The following DYRK1A variants were observed in gnomAD, a reference collection of about 807,000 sequenced individuals.
DYRK1A encodes the protein dual specificity tyrosine-phosphorylation-regulated kinase 1A.
A neutral mutation model predicts 79.7 loss-of-function variants in DYRK1A; 9 were observed. That is an observed-to-expected ratio of 0.11 (90% confidence interval 0.07 to 0.20). The LOEUF (loss-of-function observed/expected upper bound fraction) is 0.20, where lower values mean the gene tolerates loss of function less well. Ranked by LOEUF, DYRK1A falls within the 10% of genes least tolerant of loss-of-function variation. The pLI is 1.00. For synonymous variants in DYRK1A, 349 were observed against 329.7 expected (o/e 1.06, Z -0.63); for missense variants, 622 against 956.0 (o/e 0.65, Z 4.61).
At chr21:37,444,500 A>G (rs2148485726) in intron 2 of DYRK1A, among the ~76,000 whole-genome samples, 1 of 152,270 alleles carries the variant, frequency 6.6e-6, no homozygotes, top group East Asian at 1.9e-4. Flanking sequence ...ACCTGTGACA[A>G]TTTCAGAATT....
At position 37,367,145 on chromosome 21, in the gene DYRK1A, C is replaced by CT. The variant is rs758713166; in HGVS notation, c.-559dup. ...CGAGTGTGCGGGTGTGTGCGAGTGT[C>CT]TGTCTGTCTGTGCGGGGACTCGGGG... On this transcript the variant is annotated 5_prime_UTR_variant, in exon 1 of 12. Coordinates refer to ENST00000647188, the MANE Select transcript of DYRK1A (RefSeq NM_001347721.2). The CT allele has an allele frequency of 1.3e-5, 2 of 151,726 alleles. No homozygotes were observed. Among genetic ancestry groups the CT allele is most frequent in the Admixed American group, 1.3e-4 (2 of 15,236 alleles). The allele number at this position is 151,726 out of a possible 1,614,324, so 9.4% of individuals were successfully genotyped here. A position where few individuals can be genotyped will look rare whatever the true frequency, so the allele number is the denominator to read the frequency against.
intron 2 of DYRK1A, among the ~76,000 whole-genome samples, chr21:37,459,855 G>GT (rs1050692155): frequency 2.0e-5 from 3 of 151,950 alleles, no homozygotes; most frequent in African/African-American, 4.8e-5. Flanking sequence ...AATAAGTTTC[G>GT]TTTTTTTCCC....
At chr21:37,427,626 G>A in intron 2 of DYRK1A, among the ~76,000 whole-genome samples, 1 of 152,062 alleles carries the variant, frequency 6.6e-6, no homozygotes, top group East Asian at 1.9e-4. Flanking sequence ...TATTGCCTTA[G>A]GTTCAATTCC....
At chr21:37,368,297 G>A (rs1162813454) in intron 1 of DYRK1A, among the ~76,000 whole-genome samples, 1 of 152,210 alleles carries the variant, frequency 6.6e-6, no homozygotes, top group East Asian at 1.9e-4. Flanking sequence ...AGGTGAATTA[G>A]AATAGATACC....
upstream of DYRK1A, among the ~76,000 whole-genome samples, chr21:37,366,634 G>T (rs1249313372): frequency 6.6e-6 from 1 of 151,942 alleles, no homozygotes; most frequent in South Asian, 2.1e-4. Context: ...TGGGGACAGA[G>T]GGGGAGACGG....
At chr21:37,419,245 A>G (rs1045880768) in intron 1 of DYRK1A, 2 of 152,166 alleles carry the variant, frequency 1.3e-5, no homozygotes, top group African/African-American at 4.8e-5. Flanking sequence ...GGAGCTTTGT[A>G]TAGTAATTTA....
At chr21:37,479,997 C>A (rs1274457091) in intron 4 of DYRK1A, among the ~76,000 whole-genome samples, 1 of 152,050 alleles carries the variant, frequency 6.6e-6, no homozygotes, top group Non-Finnish European at 1.5e-5. Context: ...GGAGTGGGGG[C>A]TAAGAGGCCA....
chr21:37,378,309 G>A, intron 1 of DYRK1A, among the ~76,000 whole-genome samples: 1 of 152,228 alleles, frequency 6.6e-6, no homozygotes, highest in East Asian at 1.9e-4. Context: ...GAGGTGGGCT[G>A]ATCACCTGAG....
intron 2 of DYRK1A, among the ~76,000 whole-genome samples, chr21:37,435,931 G>A (rs915846597): frequency 6.6e-6 from 1 of 152,056 alleles, no homozygotes; most frequent in Non-Finnish European, 1.5e-5. Flanking sequence ...ACTGTTGCTT[G>A]TACCGTTATG....
Position 37,493,142 on chromosome 21 carries a change from T to G in DYRK1A, c.1050T>G (p.Pro350=). The G allele has an allele frequency of 1.3e-6, 2 of 1,559,954 alleles. No homozygotes were observed. The highest frequency in any genetic ancestry group is 1.7e-6 in the Non-Finnish European group (2 of 1,145,228). Reference sequence around the variant, plus strand: ...TGGTTGAAATGCACACTGGAGAACCTCTGTTCAGTGGTGCCAATGAGGTAA... The same window carrying G: ...TGGTTGAAATGCACACTGGAGAACCGCTGTTCAGTGGTGCCAATGAGGTAA... The part of the protein sequence containing the change: ...CILVEMHTGE[P]LFSGANEVDQ... Residue 350 remains proline, a synonymous_variant, in exon 8 of 12, where the codon CCT becomes CCG. Transcript: ENST00000647188.
rs1198563071 is a variant in DYRK1A, at chr21:37,513,085, A to G, written c.*554A>G. The G allele has an allele frequency of 6.4e-6, 1 of 155,354 alleles. No homozygotes were observed. The highest frequency in any genetic ancestry group is 6.3e-5 in the Admixed American group (1 of 15,792). The allele number at this position is 155,354 out of a possible 1,614,324, so 9.6% of individuals were successfully genotyped here. Reference sequence around the variant, plus strand: ...GGAAGAGGGACCTCCAGCTTCCACAAACACCATCTTCAGCTGTATGAAAGG... The same window carrying G: ...GGAAGAGGGACCTCCAGCTTCCACAGACACCATCTTCAGCTGTATGAAAGG... On this transcript the variant is annotated 3_prime_UTR_variant, in exon 12 of 12. Transcript: ENST00000647188.
intron 5 of DYRK1A, among the ~76,000 whole-genome samples, chr21:37,482,227 T>TTTTTTCCTTATA (rs1569365529): frequency 1.2e-4 from 19 of 152,082 alleles, no homozygotes; most frequent in African/African-American, 4.1e-4. Context: ...TGTTCTGTAT[T>TTTTTTCCTTATA]ATCGGGGGAA....
At chr21:37,487,304 T>A (rs1051209445) in intron 6 of DYRK1A, 2 of 152,140 alleles carry the variant, frequency 1.3e-5, no homozygotes, top group African/African-American at 4.8e-5. Context: ...CCAAAGTCTG[T>A]TTCATTCTCA....
intron 1 of DYRK1A, among the ~76,000 whole-genome samples, chr21:37,412,659 C>T (rs1397966059): frequency 6.6e-6 from 1 of 152,134 alleles, no homozygotes; most frequent in African/African-American, 2.4e-5. Context: ...AATGGAAAGG[C>T]ATGAGGCACT....
chr21:37,459,298 T>C (rs1178021359), intron 2 of DYRK1A, among the ~76,000 whole-genome samples: 2 of 152,232 alleles, frequency 1.3e-5, no homozygotes, highest in Admixed American at 1.3e-4. Context: ...TTTGTAAAAC[T>C]TGTGAAATCT....
Position 37,526,241 on chromosome 21 carries a change from A to T in DYRK1A, c.*13710A>T, listed in dbSNP as rs2053967025. On this transcript the variant is annotated 3_prime_UTR_variant, in exon 12 of 12. Transcript: ENST00000647188. ...TATATTTCAGAATCCATTGATCTGC[A>T]TTTGAGAAGTGATTAATGTGTTGAA... is the stretch of plus-strand genomic sequence containing the variant. 6.6e-6 allele frequency: 1 copy of T among 152,232 alleles called. No homozygotes were observed. The highest frequency in any genetic ancestry group is 1.5e-5 in the Non-Finnish European group (1 of 68,040). 9.4% of individuals were successfully genotyped at this position (152,232 alleles called of 1,614,324 possible).
Position 37,484,544 on chromosome 21 carries a change from G to A in DYRK1A, c.490-1923G>A, listed in dbSNP as rs149150274. 2.3e-3 allele frequency among the ~76,000 whole-genome samples: 345 copies of A among 152,094 alleles called. 2 individuals are homozygous for A. The highest frequency in any genetic ancestry group is 8.0e-3 in the African/African-American group (332 of 41,478). On this transcript the variant is annotated intron_variant, in intron 5 of 11. Transcript: ENST00000647188. ...GGATTTCACCACGTTGGTCAGGCTG[G>A]TCTCGAGCTCCTGACCTCAGGTGAT... is the stretch of plus-strand genomic sequence containing the variant.
At chr21:37,418,148 G>T (rs1238837908) in intron 1 of DYRK1A, among the ~76,000 whole-genome samples, 2 of 152,096 alleles carry the variant, frequency 1.3e-5, no homozygotes, top group Non-Finnish European at 2.9e-5. Flanking sequence ...TTTGAAAAGT[G>T]GCTAGCCTGA....
At chr21:37,492,978 TAAGCA>T in intron 7 of DYRK1A, 34 bp from the exon 8 acceptor site, 1 of 1,519,428 alleles carries the variant, frequency 6.6e-7, no homozygotes, top group Admixed American at 1.7e-5. Context: ...ACTGCAGTTT[TAAGCA>T]ATTGAAGTAA....
Sources: allele counts gnomAD v4.1 joint callset (sites outside exome capture counted in the v4.1 genomes callset), GRCh38; gene constraint gnomAD v4.1.1; transcripts MANE v1.5; gene names NCBI Gene and HGNC (gene_info 2026-07-23, HGNC 2026-07-21).